DGKB: variants seen among roughly 807,000 people sequenced by gnomAD.
DGKB encodes 90 kDa diacylglycerol kinase.
Under a neutral mutation model 114.3 loss-of-function variants are expected in DGKB, and 67 were observed. The observed-to-expected ratio is 0.59, with a 90% CI of 0.48 to 0.72. The LOEUF is 0.72. DGKB is among the 30% of genes least tolerant of loss of function. The pLI, the probability that DGKB is intolerant of heterozygous loss-of-function variation, is 0.00. For synonymous variants in DGKB, 398 were observed against 323.1 expected (o/e 1.23, Z -2.49); for missense variants, 907 against 975.2 (o/e 0.93, Z 0.93).
At chr7:14,966,453 T>TAC (rs1251970527) in intron 1 of DGKB, among the ~76,000 whole-genome samples, 2 of 151,722 alleles carry the variant, frequency 1.3e-5, no homozygotes, top group South Asian at 2.1e-4. Flanking sequence ...TGTGTATATA[T>TAC]ATATATATAT....
chr7:14,593,769 T>A (rs566355193), intron 17 of DGKB, among the ~76,000 whole-genome samples: 2 of 151,008 alleles, frequency 1.3e-5, no homozygotes, highest in South Asian at 4.2e-4. Flanking sequence ...CAGAATGGAG[T>A]CACTTGTGCT....
At chr7:14,153,375 A>G (rs1450757668) in intron 25 of DGKB, among the ~76,000 whole-genome samples, 1 of 152,046 alleles carries the variant, frequency 6.6e-6, no homozygotes, top group Non-Finnish European at 1.5e-5. Context: ...GAATTCTTGT[A>G]CCTGCTATTG....
rs573510588 is a variant in DGKB, at chr7:14,409,810, C to T, written c.1836-64419G>A. 1.2e-4 allele frequency among the ~76,000 whole-genome samples: 18 copies of T among 150,368 alleles called. No homozygotes were observed. In the South Asian group the frequency reaches 1.3e-3, roughly 11 times the overall value. On this transcript the variant is annotated intron_variant, in intron 21 of 25. Coordinates refer to ENST00000402815, the MANE Select transcript of DGKB (RefSeq NM_001350709.2). ...TGTTTGTCCCCATTTCAGACAAAAA[C>T]GATTCATCTTATAAACAGACAAGTA...
At chr7:14,318,805 A>G (rs1360481695) in intron 23 of DGKB, among the ~76,000 whole-genome samples, 1 of 152,200 alleles carries the variant, frequency 6.6e-6, no homozygotes, top group Non-Finnish European at 1.5e-5. Context: ...CCAAAGGACT[A>G]TAAATCATGC....
intron 23 of DGKB, among the ~76,000 whole-genome samples, chr7:14,227,320 T>G (rs919344634): frequency 1.3e-5 from 2 of 152,082 alleles, no homozygotes; most frequent in African/African-American, 2.4e-5. Flanking sequence ...CTTTGGAAAG[T>G]AATCTTTTCC....
intron 25 of DGKB, among the ~76,000 whole-genome samples, chr7:14,156,786 A>C (rs1783086141): frequency 6.6e-6 from 1 of 152,126 alleles, no homozygotes; most frequent in South Asian, 2.1e-4. Flanking sequence ...AGTGGAAATA[A>C]TTTTCTTTGG....
intron 1 of DGKB, among the ~76,000 whole-genome samples, chr7:14,958,726 TA>T (rs1786666045): frequency 6.6e-6 from 1 of 152,044 alleles, no homozygotes; most frequent in African/African-American, 2.4e-5. Context: ...TCCTTAGATG[TA>T]AATGTAACTG....
intron 20 of DGKB, among the ~76,000 whole-genome samples, chr7:14,572,263 C>G (rs1043326969): frequency 6.7e-6 from 1 of 149,502 alleles, no homozygotes; most frequent in African/African-American, 2.5e-5. Context: ...ACCATCCTGG[C>G]TAACCCCGTA....
At chr7:14,841,745 AG>A (rs1847963049) in intron 1 of DGKB, among the ~76,000 whole-genome samples, 1 of 152,222 alleles carries the variant, frequency 6.6e-6, no homozygotes. Flanking sequence ...GGCTAAAATA[AG>A]CTCTCTAGCT....
rs535113714 is a variant in DGKB at position 14,436,369 on chromosome 7, T to C, written c.1835+41792A>G. Among the ~76,000 whole-genome samples, 3 of 152,256 alleles carry C rather than the reference T, an allele frequency of 2.0e-5. No individual in the cohort carries two copies. In the East Asian group the frequency reaches 5.8e-4, roughly 29 times the overall value. On this transcript the variant is annotated intron_variant, in intron 21 of 25. Transcript: ENST00000402815. ...TAAATAAATACAGGCAAATACTAAC[T>C]TCATCAAAGTCATATTTAACAAGAC...
upstream of DGKB, chr7:14,903,258 G>GTT (rs1168206586): frequency 7.8e-5 from 8 of 102,406 alleles, no homozygotes; most frequent in African/African-American, 2.8e-4. Flanking sequence ...TGTGTGTTGA[G>GTT]GAGGAGGCGA....
intron 1 of DGKB, among the ~76,000 whole-genome samples, chr7:14,891,488 G>T (rs1438523094): frequency 6.6e-6 from 1 of 151,384 alleles, no homozygotes; most frequent in Non-Finnish European, 1.5e-5. Context: ...CTGAAAGAAT[G>T]AATACTTTAA....
chr7:14,469,265 G>C (rs1780929435), intron 21 of DGKB, among the ~76,000 whole-genome samples: 1 of 152,026 alleles, frequency 6.6e-6, no homozygotes, highest in Non-Finnish European at 1.5e-5. Context: ...GGCCTTAGCT[G>C]AATGCCCATC....
intron 19 of DGKB, among the ~76,000 whole-genome samples, chr7:14,577,413 C>G (rs534833262): frequency 6.6e-6 from 1 of 152,122 alleles, no homozygotes; most frequent in Non-Finnish European, 1.5e-5. Context: ...GTCAGGAGAT[C>G]AAGACCATTC....
chr7:14,462,642 A>G (rs1158392387), intron 21 of DGKB, among the ~76,000 whole-genome samples: 1 of 152,232 alleles, frequency 6.6e-6, no homozygotes, highest in Non-Finnish European at 1.5e-5. Flanking sequence ...GGAAGAATCA[A>G]TATCATGAAA....
At chr7:14,897,078 C>T (rs934328466) in intron 1 of DGKB, among the ~76,000 whole-genome samples, 2 of 151,754 alleles carry the variant, frequency 1.3e-5, no homozygotes, top group Non-Finnish European at 2.9e-5. Context: ...CCCATCTGTC[C>T]TTCCCCTGAT....
At chr7:14,348,671 A>G (rs1233087003) in intron 21 of DGKB, among the ~76,000 whole-genome samples, 2 of 151,994 alleles carry the variant, frequency 1.3e-5, no homozygotes, top group Non-Finnish European at 2.9e-5. Context: ...GAACATAAAA[A>G]CACTGGTCTA....
At position 14,852,486 on chromosome 7, in the gene DGKB, T is replaced by TCAAAAAAAAAAAAACAAAAA. The variant is rs948693044; in HGVS notation, c.-187-11037_-187-11036insTTTTTGTTTTTTTTTTTTTG. On this transcript the variant is annotated intron_variant, in intron 1 of 25. Transcript: ENST00000402815. ...AGAGGAATAGCTAAAATAGTGAAAG[T>TCAAAAAAAAAAAAACAAAAA]CAAAAAAAAAACAGAAATCAAGCAT... 0.024 allele frequency among the ~76,000 whole-genome samples: 189 copies of TCAAAAAAAAAAAAACAAAAA among 7,782 alleles called. 8 individuals carry two copies. The East Asian group carries it at 0.29, about 12-fold the overall frequency. The allele number at this position is 7,782 out of a possible 152,430, so 5.1% of individuals were successfully genotyped here.
chr7:14,259,403 C>G, intron 23 of DGKB, among the ~76,000 whole-genome samples: 2 of 110,392 alleles, frequency 1.8e-5, no homozygotes, highest in East Asian at 4.3e-4. Flanking sequence ...CTCTCTCTCT[C>G]TCTCTATATA....
Sources: allele counts gnomAD v4.1 joint callset (sites outside exome capture counted in the v4.1 genomes callset), GRCh38; gene constraint gnomAD v4.1.1; transcripts MANE v1.5; gene names NCBI Gene and HGNC (gene_info 2026-07-23, HGNC 2026-07-21).